Variants in LRP1B observed in about 807,000 individuals in gnomAD.
LRP1B encodes low-density lipoprotein receptor-related protein 1B.
LRP1B carries 217 observed loss-of-function variants against 556.6 expected under a neutral mutation model. The observed-to-expected ratio is 0.39, with a 90% confidence interval of 0.35 to 0.44. The LOEUF is 0.44. LRP1B is among the 20% of genes least tolerant of loss of function. The pLI is 1.00. For synonymous variants in LRP1B, 2,047 were observed against 1,865.8 expected (o/e 1.10, Z -2.50); for missense variants, 5,053 against 5,620.8 (o/e 0.90, Z 3.23).
At chr2:140,526,437 T>G (rs1442072209) in intron 47 of LRP1B, 87 bp from the exon 48 acceptor site, 5 of 935,882 alleles carry the variant, frequency 5.3e-6, no homozygotes, top group Non-Finnish European at 8.2e-6. Context: ...TTATTTTATA[T>G]AATTTTGTTT....
At chr2:140,951,820 C>T (rs747409238) in intron 19 of LRP1B, 40 bp downstream of exon 19, 42 of 1,506,536 alleles carry the variant, frequency 2.8e-5, no homozygotes, top group Non-Finnish European at 3.6e-5. Flanking sequence ...GCCAAGCCCC[C>T]GATCAAATTA....
chr2:140,511,292 C>CTTTT lies in LRP1B; in HGVS notation c.8270-1240_8270-1237dup, dbSNP rs70985101. 3.2e-3 allele frequency among the ~76,000 whole-genome samples: 189 copies of CTTTT among 58,458 alleles called. 47 individuals are homozygous for CTTTT. The highest frequency in any genetic ancestry group is 8.1e-3 in the African/African-American group (116 of 14,236). 38.4% of individuals were successfully genotyped at this position (58,458 alleles called of 152,430 possible). A position where few individuals can be genotyped will look rare whatever the true frequency, so the allele number is the denominator to read the frequency against. On this transcript the variant is annotated intron_variant, in intron 51 of 90. Coordinates refer to ENST00000389484, the MANE Select transcript of LRP1B (RefSeq NM_018557.3). Reference sequence around the variant, plus strand: ...TATCAAAATACAATCCTCTAAGGGTCTTTTTTTTTTTTTTTTTTTTTTTTT... The same window carrying CTTTT: ...TATCAAAATACAATCCTCTAAGGGTCTTTTTTTTTTTTTTTTTTTTTTTTTTTTT...
At chr2:140,256,002 A>G (rs1362668507) in intron 86 of LRP1B, among the ~76,000 whole-genome samples, 3 of 152,136 alleles carry the variant, frequency 2.0e-5, no homozygotes, top group Non-Finnish European at 2.9e-5. Flanking sequence ...TGTATCATTC[A>G]GTTCTTGTCC....
intron 51 of LRP1B, among the ~76,000 whole-genome samples, chr2:140,511,377 A>T (rs76478748): frequency 7.2e-6 from 1 of 138,708 alleles, no homozygotes; most frequent in East Asian, 2.1e-4. Context: ...TCTCGGCTCA[A>T]TGCAAGCTCC....
intron 2 of LRP1B, among the ~76,000 whole-genome samples, chr2:141,586,678 C>T (rs1687145606): frequency 6.6e-6 from 1 of 152,106 alleles, no homozygotes; most frequent in Non-Finnish European, 1.5e-5. Flanking sequence ...CGCGGTGGCT[C>T]ACGCCTGTAA....
intron 41 of LRP1B, among the ~76,000 whole-genome samples, chr2:140,672,382 G>A (rs1685515905): frequency 6.6e-6 from 1 of 151,004 alleles, no homozygotes; most frequent in Non-Finnish European, 1.5e-5. Flanking sequence ...TACTCAGGAA[G>A]CTGAGGCAGG....
chr2:140,483,640 A>ATTTTTT (rs1178469364), intron 59 of LRP1B, among the ~76,000 whole-genome samples: 1 of 70,748 alleles, frequency 1.4e-5, no homozygotes, highest in African/African-American at 6.4e-5. Flanking sequence ...ATATATATAT[A>ATTTTTT]TTTTTTTTTT....
At chr2:140,286,225 G>A (rs1683145204) in intron 84 of LRP1B, among the ~76,000 whole-genome samples, 1 of 151,800 alleles carries the variant, frequency 6.6e-6, no homozygotes, top group Non-Finnish European at 1.5e-5. Context: ...TGATTGTTTA[G>A]CTTTAAAACC....
chr2:142,046,363 G>T (rs1704259485), intron 1 of LRP1B, among the ~76,000 whole-genome samples: 1 of 151,922 alleles, frequency 6.6e-6, no homozygotes, highest in Non-Finnish European at 1.5e-5. Flanking sequence ...CAACTGTAAA[G>T]AAAACATTAT....
chr2:140,289,333 T>A (rs1332345827), intron 84 of LRP1B, among the ~76,000 whole-genome samples: 1 of 152,022 alleles, frequency 6.6e-6, no homozygotes, highest in East Asian at 1.9e-4. Flanking sequence ...AAAAGATACA[T>A]CAGTTGTTTT....
intron 15 of LRP1B, among the ~76,000 whole-genome samples, chr2:141,000,430 G>T (rs753641846): frequency 6.6e-5 from 10 of 152,062 alleles, no homozygotes; most frequent in Non-Finnish European, 1.0e-4. Flanking sequence ...TTCTTAAGTG[G>T]ATGTGAGGAG....
chr2:140,841,560 CCA>C (rs1219815879), intron 29 of LRP1B, among the ~76,000 whole-genome samples: 1 of 152,056 alleles, frequency 6.6e-6, no homozygotes, highest in Non-Finnish European at 1.5e-5. Flanking sequence ...AAAAGAATCA[CCA>C]GAGTTGAATA....
intron 3 of LRP1B, among the ~76,000 whole-genome samples, chr2:141,288,564 A>C (rs757835909): frequency 1.3e-5 from 2 of 152,130 alleles, no homozygotes; most frequent in Non-Finnish European, 2.9e-5. Context: ...CATGAAGATT[A>C]AGCCAAACTT....
intron 66 of LRP1B, among the ~76,000 whole-genome samples, chr2:140,416,984 T>G (rs113886824): frequency 0.012 from 1,800 of 152,258 alleles, 40 homozygotes; most frequent in African/African-American, 0.042. Flanking sequence ...ACTCTAGGAC[T>G]GTCAACAAAA....
chr2:140,754,573 A>G (rs1688682309), intron 35 of LRP1B, among the ~76,000 whole-genome samples: 1 of 152,190 alleles, frequency 6.6e-6, no homozygotes, highest in Non-Finnish European at 1.5e-5. Flanking sequence ...TTCTTAAATG[A>G]CAAATGAGTC....
At chr2:141,616,351 A>G (rs1445218486) in intron 2 of LRP1B, among the ~76,000 whole-genome samples, 2 of 151,906 alleles carry the variant, frequency 1.3e-5, no homozygotes, top group Non-Finnish European at 2.9e-5. Flanking sequence ...ACAATTCAAT[A>G]TGTTAGGCAA....
intron 86 of LRP1B, among the ~76,000 whole-genome samples, chr2:140,257,113 C>G (rs1250596976): frequency 6.6e-6 from 1 of 152,032 alleles, no homozygotes; most frequent in Non-Finnish European, 1.5e-5. Context: ...GCATATGAGT[C>G]TAATTCTTGT....
chr2:140,261,904 TAATAA>T (rs1251523402), intron 86 of LRP1B, among the ~76,000 whole-genome samples: 4 of 151,978 alleles, frequency 2.6e-5, no homozygotes, highest in East Asian at 3.9e-4. Flanking sequence ...GTCTCATAAA[TAATAA>T]AATAAGGAAG....
At chr2:140,991,125 G>A (rs1697080886) in intron 16 of LRP1B, among the ~76,000 whole-genome samples, 1 of 151,906 alleles carries the variant, frequency 6.6e-6, no homozygotes, top group Admixed American at 6.6e-5. Context: ...CTCACTTCAG[G>A]GACTTTAGCA....
Sources: allele counts gnomAD v4.1 joint callset (sites outside exome capture counted in the v4.1 genomes callset), GRCh38; gene constraint gnomAD v4.1.1; transcripts MANE v1.5; gene names NCBI Gene and HGNC (gene_info 2026-07-23, HGNC 2026-07-21).